Variants in MBD2 observed in about 807,000 individuals in gnomAD.
The protein encoded by MBD2 is methyl-CpG-binding domain protein 2.
MBD2 carries 9 observed loss-of-function variants against 39.3 expected under a neutral mutation model. That is an observed-to-expected ratio of 0.23 (90% CI 0.14 to 0.40). MBD2 has a LOEUF of 0.40. Among genes scored for constraint, MBD2 ranks in the 10% least tolerant of loss-of-function variants. The pLI, the probability that MBD2 is intolerant of heterozygous loss-of-function variation, is 1.00. For missense variants in MBD2, 458 were observed against 532.6 expected (o/e 0.86, Z 1.38); for synonymous variants, 233 against 211.1 (o/e 1.10, Z -0.90).
chr18:54,208,801 C>T (rs2086474839), intron 1 of MBD2, among the ~76,000 whole-genome samples: 1 of 152,140 alleles, frequency 6.6e-6, no homozygotes, highest in Non-Finnish European at 1.5e-5. Context: ...ATAATAGAGC[C>T]TCACCACAAT....
At chr18:54,187,738 G>T in intron 3 of MBD2, 1 of 985,832 alleles carries the variant, frequency 1.0e-6, no homozygotes, top group Non-Finnish European at 1.2e-6. Context: ...ATCTCTTGGG[G>T]ACCAACAGTA....
At position 54,164,590 on chromosome 18, in the gene MBD2, G is replaced by C; in HGVS notation, c.1042C>G (p.Pro348Ala). The C allele has an allele frequency of 1.2e-6, 2 of 1,614,160 alleles. No homozygotes were observed. Among genetic ancestry groups the C allele is most frequent in the Non-Finnish European group, 1.7e-6 (2 of 1,180,028 alleles). ...GQVSAAVEKN[P>A]AVWLNTSQPL... is the part of the protein sequence containing the mutation. The stretch of plus-strand genomic sequence containing the variant: ...TGAGATGTGTTAAGCCAAACAGCAG[G>C]GTTCTTTTCCACAGCAGCGGAGACT... Residue 348 changes from proline to alanine, a missense_variant, in exon 5 of 7, where the codon CCT (proline) becomes GCT (alanine). Coordinates refer to ENST00000256429, the MANE Select transcript of MBD2 (RefSeq NM_003927.5).
rs1480475032 is a variant in MBD2 at position 54,176,166 on chromosome 18, T to C, written c.841-10000A>G. ...CACTCAGATGTTTGTGGGATGAATA[T>C]TTGGCTAAGTAGAGGGAGGACAGGG... On this transcript the variant is annotated intron_variant, in intron 3 of 6. Coordinates refer to ENST00000256429, the MANE Select transcript of MBD2 (RefSeq NM_003927.5). 2.0e-5 allele frequency among the ~76,000 whole-genome samples: 3 copies of C among 152,218 alleles called. No homozygotes were observed. The East Asian group carries it at 5.8e-4, about 29-fold the overall frequency.
At chr18:54,198,053 G>A (rs1343762964) in intron 2 of MBD2, among the ~76,000 whole-genome samples, 1 of 152,214 alleles carries the variant, frequency 6.6e-6, no homozygotes. Flanking sequence ...AATGTTGGTG[G>A]AATAAATGAA....
intron 2 of MBD2, among the ~76,000 whole-genome samples, chr18:54,197,672 C>T (rs1405336386): frequency 6.6e-6 from 1 of 152,128 alleles, no homozygotes; most frequent in Non-Finnish European, 1.5e-5. Flanking sequence ...TCAGCAAAAC[C>T]AGTCAATCCT....
At chr18:54,164,819 A>G in intron 4 of MBD2, 119 bp from the exon 5 acceptor site, 2 of 732,168 alleles carry the variant, frequency 2.7e-6, no homozygotes, top group South Asian at 2.3e-5. Context: ...TAAAACTGAC[A>G]TAAGACAAAG....
chr18:54,166,297 A>T, intron 3 of MBD2, 131 bp from the exon 4 acceptor site: 1 of 628,370 alleles, frequency 1.6e-6, no homozygotes, highest in Non-Finnish European at 2.8e-6. Flanking sequence ...TCCTTATAAA[A>T]AGCTAAATGA....
chr18:54,206,614 A>G (rs745985802), intron 1 of MBD2, among the ~76,000 whole-genome samples: 6 of 152,210 alleles, frequency 3.9e-5, no homozygotes, highest in East Asian at 1.9e-4. Flanking sequence ...ACTTGTCACA[A>G]ACTCTTTGGT....
At chr18:54,221,718 G>C (rs891297441) in intron 1 of MBD2, among the ~76,000 whole-genome samples, 1 of 146,484 alleles carries the variant, frequency 6.8e-6, no homozygotes, top group Admixed American at 6.8e-5. Flanking sequence ...GCACTGAGCC[G>C]AGATCGCACC....
At chr18:54,162,027 G>C (rs1485917343) in intron 5 of MBD2, among the ~76,000 whole-genome samples, 1 of 152,176 alleles carries the variant, frequency 6.6e-6, no homozygotes, top group Admixed American at 6.5e-5. Context: ...CCATCCCATA[G>C]CCAAGAAGAG....
intron 2 of MBD2, among the ~76,000 whole-genome samples, chr18:54,199,047 G>A (rs967182359): frequency 2.6e-5 from 4 of 152,140 alleles, no homozygotes; most frequent in African/African-American, 9.7e-5. Flanking sequence ...CCTCTAAAGA[G>A]GATTGGGACT....
chr18:54,215,407 C>G (rs148176486), intron 1 of MBD2, among the ~76,000 whole-genome samples: 1 of 151,708 alleles, frequency 6.6e-6, no homozygotes, highest in East Asian at 1.9e-4. Context: ...TTCACATTTA[C>G]AGCAAAACAA....
chr18:54,160,152 C>T (rs781718813), intron 5 of MBD2: 13 of 392,718 alleles, frequency 3.3e-5, no homozygotes, highest in South Asian at 1.7e-4. Flanking sequence ...AGCAGATTGA[C>T]GTCAGTGACC....
intron 3 of MBD2, among the ~76,000 whole-genome samples, chr18:54,167,656 G>A (rs191332940): frequency 6.4e-4 from 98 of 152,296 alleles, no homozygotes; most frequent in African/African-American, 2.2e-3. Context: ...TGTCAGAAGA[G>A]CAATATGCTG....
chr18:54,169,389 T>G (rs1369530986), intron 3 of MBD2, among the ~76,000 whole-genome samples: 2 of 151,050 alleles, frequency 1.3e-5, no homozygotes, highest in African/African-American at 5.0e-5. Flanking sequence ...TCATTATCTT[T>G]GGCCACTATG....
chr18:54,183,375 A>G (rs2086263701), intron 3 of MBD2, among the ~76,000 whole-genome samples: 1 of 152,250 alleles, frequency 6.6e-6, no homozygotes, highest in Admixed American at 6.5e-5. Flanking sequence ...CATACAAAAA[A>G]GAATGCATAG....
intron 2 of MBD2, among the ~76,000 whole-genome samples, chr18:54,200,611 A>C (rs1046870245): frequency 1.3e-5 from 2 of 152,088 alleles, no homozygotes; most frequent in Non-Finnish European, 2.9e-5. Flanking sequence ...CTGCAACACC[A>C]CCTCTTTGAA....
intron 5 of MBD2, chr18:54,160,185 C>T (rs1051413896): frequency 3.1e-6 from 1 of 320,492 alleles, no homozygotes; most frequent in Admixed American, 4.2e-5. Context: ...TTGAAAATGT[C>T]AACTGTGTCA....
chr18:54,205,428 A>C (rs1055584159), intron 1 of MBD2, among the ~76,000 whole-genome samples: 10 of 152,058 alleles, frequency 6.6e-5, no homozygotes, highest in East Asian at 1.9e-4. Flanking sequence ...TAAAAAAATA[A>C]AAAATACAAA....
Sources: allele counts gnomAD v4.1 joint callset (sites outside exome capture counted in the v4.1 genomes callset), GRCh38; gene constraint gnomAD v4.1.1; transcripts MANE v1.5; gene names NCBI Gene and HGNC (gene_info 2026-07-23, HGNC 2026-07-21).